Variants in FAM178B observed in about 807,000 individuals in gnomAD.
FAM178B encodes the protein protein FAM178B.
FAM178B carries 82 observed loss-of-function variants against 91.7 expected under a neutral mutation model. That is an observed-to-expected ratio of 0.89 (90% CI 0.75 to 1.07). FAM178B has a LOEUF of 1.07. Ranked by LOEUF, FAM178B falls within the 50% of genes least tolerant of loss-of-function variation. The pLI, the probability that FAM178B is intolerant of heterozygous loss-of-function variation, is 0.00. For synonymous variants in FAM178B, 368 were observed against 359.4 expected, an observed-to-expected ratio of 1.02 and a Z score of -0.27; for missense variants, 769 against 846.7, an observed-to-expected ratio of 0.91 and a Z score of 1.14.
chr2:96,937,927 C>T (rs111588200), intron 8 of FAM178B, among the ~76,000 whole-genome samples: 2,956 of 152,240 alleles, frequency 0.019, 105 homozygotes, highest in African/African-American at 0.067. Context: ...ACTCAGGACG[C>T]TGAGGCAGGA....
At chr2:96,943,109 ACAC>A (rs1366503213) in intron 8 of FAM178B, among the ~76,000 whole-genome samples, 1 of 152,220 alleles carries the variant, frequency 6.6e-6, no homozygotes, top group African/African-American at 2.4e-5. Flanking sequence ...AGTAATTTTG[ACAC>A]CACAAAAGAA....
At chr2:96,936,528 G>C (rs1444796868) in intron 8 of FAM178B, among the ~76,000 whole-genome samples, 1 of 89,014 alleles carries the variant, frequency 1.1e-5, no homozygotes, top group Non-Finnish European at 2.1e-5. Context: ...TTTTTTTTTT[G>C]AGACAGAGCT....
At chr2:96,901,195 T>A (rs1326415851) in intron 13 of FAM178B, among the ~76,000 whole-genome samples, 29 of 138,556 alleles carry the variant, frequency 2.1e-4, no homozygotes, top group South Asian at 1.3e-3. Context: ...TTTTTTTTTT[T>A]AGAGTCTTGC....
chr2:96,983,227 T>A (rs1559111107), intron 1 of FAM178B, among the ~76,000 whole-genome samples: 1 of 152,062 alleles, frequency 6.6e-6, no homozygotes, highest in Non-Finnish European at 1.5e-5. Context: ...TATGTACATA[T>A]GTGTACATTT....
chr2:96,952,793 T>C (rs1379138207), intron 6 of FAM178B, among the ~76,000 whole-genome samples: 1 of 152,100 alleles, frequency 6.6e-6, no homozygotes, highest in African/African-American at 2.4e-5. Flanking sequence ...CAAAGATCAT[T>C]AACATGGATT....
intron 9 of FAM178B, among the ~76,000 whole-genome samples, chr2:96,928,955 G>C (rs1178158790): frequency 6.7e-6 from 1 of 150,256 alleles, no homozygotes; most frequent in Non-Finnish European, 1.5e-5. Context: ...TTCAAGACTA[G>C]CCTGGACAAC....
intron 6 of FAM178B, among the ~76,000 whole-genome samples, chr2:96,954,457 C>A (rs2081970750): frequency 6.6e-6 from 1 of 152,262 alleles, no homozygotes. Flanking sequence ...CTAAGCAGAG[C>A]TCTGACCAGC....
At chr2:96,981,737 T>C (rs1290900680) in intron 1 of FAM178B, among the ~76,000 whole-genome samples, 6 of 46,394 alleles carry the variant, frequency 1.3e-4, no homozygotes, top group Non-Finnish European at 2.1e-4. Flanking sequence ...TGAGACTCCG[T>C]CTCAAAAAAA....
Position 96,902,644 on chromosome 2 carries a change from G to A in FAM178B, c.1626C>T (p.Leu542=), listed in dbSNP as rs962982048. The change falls in exon 13 of 17, where the codon CTC becomes CTT. Residue 542 remains leucine (L), a synonymous_variant. Transcript: ENST00000490605. The part of the protein sequence containing the change: ...IARMLGQQEM[L]PLWQEKTQLS... ...CCTGGGTCTTCTCTTGCCAGAGAGG[G>A]AGCATCTCCTGCTGGCCCAGCATTC... 3.9e-6 allele frequency: 6 copies of A among 1,550,764 alleles called. No homozygotes were observed. Among genetic ancestry groups the A allele is most frequent in the Non-Finnish European group, 5.2e-6 (6 of 1,146,576 alleles).
chr2:96,902,370 C>G (rs1282218324), intron 13 of FAM178B, among the ~76,000 whole-genome samples: 3 of 152,244 alleles, frequency 2.0e-5, no homozygotes, highest in Non-Finnish European at 4.4e-5. Context: ...TCCCAAAGTG[C>G]TGGGATTACA....
chr2:96,968,266 C>T (rs1253044099), intron 4 of FAM178B, among the ~76,000 whole-genome samples: 1 of 152,034 alleles, frequency 6.6e-6, no homozygotes, highest in Non-Finnish European at 1.5e-5. Flanking sequence ...AGCCTTCCGG[C>T]CTCACTCCTG....
intron 14 of FAM178B, among the ~76,000 whole-genome samples, chr2:96,892,197 GCCCAGCCCAGGGGACAGAA>G (rs1260187124): frequency 6.6e-6 from 1 of 152,146 alleles, no homozygotes; most frequent in Non-Finnish European, 1.5e-5. Context: ...TCAGAACAGT[GCCCAGCCCAGGGGACAGAA>G]CCCAGCCCAG....
At chr2:96,904,654 A>G (rs1213950538) in intron 12 of FAM178B, among the ~76,000 whole-genome samples, 1 of 147,598 alleles carries the variant, frequency 6.8e-6, no homozygotes, top group Non-Finnish European at 1.5e-5. Context: ...CTGGCCTCCC[A>G]AAGTGTTGGA....
intron 5 of FAM178B, 105 bp from the exon 6 acceptor site, chr2:96,960,545 C>T: frequency 3.1e-6 from 4 of 1,300,446 alleles, no homozygotes; most frequent in Middle Eastern, 2.0e-4. Flanking sequence ...GGGCTCCCTG[C>T]CTTGCAGTCC....
intron 12 of FAM178B, among the ~76,000 whole-genome samples, chr2:96,915,687 G>A (rs1340146922): frequency 3.3e-5 from 5 of 151,856 alleles, no homozygotes; most frequent in Admixed American, 2.6e-4. Context: ...GTGGTGGCAC[G>A]CACCTGTAGT....
chr2:96,923,775 C>T (rs2081386770), intron 9 of FAM178B, among the ~76,000 whole-genome samples, 192 bp from the exon 10 acceptor site: 2 of 152,180 alleles, frequency 1.3e-5, no homozygotes, highest in South Asian at 2.1e-4. Context: ...GGTCCTGGCT[C>T]GGGGGTCTCT....
intron 1 of FAM178B, among the ~76,000 whole-genome samples, chr2:96,973,767 G>A (rs899619007): frequency 2.0e-5 from 3 of 152,066 alleles, no homozygotes; most frequent in Non-Finnish European, 2.9e-5. Flanking sequence ...TTGGGAGGCC[G>A]AGGAGGGTGG....
chr2:96,948,304 C>G (rs954839332), intron 7 of FAM178B, among the ~76,000 whole-genome samples: 1 of 152,252 alleles, frequency 6.6e-6, no homozygotes, highest in African/African-American at 2.4e-5. Flanking sequence ...TCACAGGCAG[C>G]AGGACAATCA....
At chr2:96,919,974 G>A (rs941800064) in intron 12 of FAM178B, among the ~76,000 whole-genome samples, 5 of 152,190 alleles carry the variant, frequency 3.3e-5, no homozygotes, top group Admixed American at 6.5e-5. Context: ...ACTCCAAGCC[G>A]GCTCCCAGAG....
Sources: allele counts gnomAD v4.1 joint callset (sites outside exome capture counted in the v4.1 genomes callset), GRCh38; gene constraint gnomAD v4.1.1; transcripts MANE v1.5; gene names NCBI Gene and HGNC (gene_info 2026-07-23, HGNC 2026-07-21).